Variants in LNP1 observed in about 807,000 individuals in gnomAD.
LNP1 encodes leukemia NUP98 fusion partner 1.
In LNP1, 12 loss-of-function variants were observed where a neutral mutation model predicts 14.5. That is an observed-to-expected ratio of 0.83 (90% CI 0.53 to 1.34). The LOEUF is 1.34. Ranked by LOEUF, LNP1 falls within the 40% of genes most tolerant of loss-of-function variation. LNP1 has a pLI of 0.00. For synonymous variants in LNP1, 75 were observed against 71.4 expected (o/e 1.05, Z -0.26); for missense variants, 198 against 210.9 (o/e 0.94, Z 0.38).
intron 1 of LNP1, among the ~76,000 whole-genome samples, chr3:100,411,340 AC>A (rs1480850131): frequency 6.6e-6 from 1 of 152,148 alleles, no homozygotes; most frequent in East Asian, 1.9e-4. Context: ...TCTCTCCCAT[AC>A]CTGATTTAGA....
chr3:100,436,957 G>A (rs1003340663), intron 2 of LNP1, among the ~76,000 whole-genome samples: 10 of 152,158 alleles, frequency 6.6e-5, no homozygotes, highest in African/African-American at 2.4e-5. Context: ...CAGTGAGAAG[G>A]CAGCCATCTG....
chr3:100,427,792 A>G (rs1004284815), intron 1 of LNP1, among the ~76,000 whole-genome samples: 1 of 152,264 alleles, frequency 6.6e-6, no homozygotes, highest in African/African-American at 2.4e-5. Flanking sequence ...GTCTTGTTCC[A>G]GTGAAGTCCC....
At chr3:100,403,112 T>C (rs1706928676) in intron 1 of LNP1, among the ~76,000 whole-genome samples, 1 of 152,222 alleles carries the variant, frequency 6.6e-6, no homozygotes, top group Admixed American at 6.5e-5. Flanking sequence ...CTTACTGGCT[T>C]TGGGACCTTA....
chr3:100,406,797 T>G (rs1437345380), intron 1 of LNP1, among the ~76,000 whole-genome samples: 1 of 152,212 alleles, frequency 6.6e-6, no homozygotes, highest in African/African-American at 2.4e-5. Context: ...CCTCCCAAAG[T>G]GCTGGGATTA....
chr3:100,451,588 TTTCC>T (rs1707438160), intron 2 of LNP1, 127 bp from the exon 3 acceptor site: 3 of 607,560 alleles, frequency 4.9e-6, no homozygotes, highest in Admixed American at 3.1e-5. Context: ...CAAGTTTTAT[TTTCC>T]TTTCACAAAG....
intron 1 of LNP1, among the ~76,000 whole-genome samples, chr3:100,409,606 A>T (rs376850253): frequency 0.021 from 2,636 of 124,440 alleles, 64 homozygotes; most frequent in South Asian, 0.066. Context: ...ATATATATAT[A>T]TTTTTTTTTT....
chr3:100,449,085 A>G (rs1401769725), intron 2 of LNP1, among the ~76,000 whole-genome samples: 1 of 152,232 alleles, frequency 6.6e-6, no homozygotes, highest in Non-Finnish European at 1.5e-5. Context: ...ATAAAAATCT[A>G]TTATAGGATT....
intron 1 of LNP1, among the ~76,000 whole-genome samples, chr3:100,409,997 A>G (rs1559839351): frequency 1.3e-5 from 2 of 151,898 alleles, no homozygotes; most frequent in African/African-American, 2.4e-5. Flanking sequence ...CTATCTATCT[A>G]TCTACCTATT....
chr3:100,430,023 C>T (rs371998100), intron 2 of LNP1, 138 bp downstream of exon 2: 1 of 801,136 alleles, frequency 1.2e-6, no homozygotes, highest in South Asian at 2.0e-5. Flanking sequence ...CTCATACCCA[C>T]AGAAATCTCT....
chr3:100,416,257 A>G (rs990399195), intron 1 of LNP1, among the ~76,000 whole-genome samples: 2 of 152,140 alleles, frequency 1.3e-5, no homozygotes, highest in Admixed American at 6.5e-5. Flanking sequence ...AAACTGTTCC[A>G]TCTGTGGCTT....
At chr3:100,449,518 T>C (rs1707418845) in intron 2 of LNP1, among the ~76,000 whole-genome samples, 2 of 152,166 alleles carry the variant, frequency 1.3e-5, no homozygotes, top group Admixed American at 6.5e-5. Context: ...AGGTCTCTCA[T>C]GCAGCAGAGG....
At chr3:100,409,328 G>T (rs911303155) in intron 1 of LNP1, among the ~76,000 whole-genome samples, 8 of 151,986 alleles carry the variant, frequency 5.3e-5, no homozygotes, top group Admixed American at 2.0e-4. Flanking sequence ...TTTACTATAG[G>T]TCTTAGCCTC....
intron 1 of LNP1, 31 bp from the exon 2 acceptor site, chr3:100,429,666 G>T: frequency 6.9e-7 from 1 of 1,453,492 alleles, no homozygotes; most frequent in East Asian, 2.3e-5. Flanking sequence ...TGTCAGCCCT[G>T]TTGGGTGATA....
At position 100,429,847 on chromosome 3, in the gene LNP1, C is replaced by T. The variant is rs1707226825; in HGVS notation, c.118C>T (p.Gln40Ter). 5.0e-6 allele frequency: 8 copies of T among 1,613,904 alleles called. No homozygotes were observed. Among genetic ancestry groups the T allele is most frequent in the Non-Finnish European group, 6.8e-6 (8 of 1,179,912 alleles). Residue 40 changes from glutamine to a stop codon, truncating the protein, a stop_gained, in exon 2 of 4, where the codon CAA becomes TAA. Transcript: ENST00000383693. LOFTEE classifies it high-confidence loss of function. ...AGGACTCCGGGAACGCCACCGACTG[C>T]AAGCCACCAGTCACAGGAAAACCTC... ...QRGLRERHRL[Q>*]ATSHRKTSLP...
chr3:100,424,693 G>A (rs1707175581), intron 1 of LNP1, among the ~76,000 whole-genome samples: 1 of 152,176 alleles, frequency 6.6e-6, no homozygotes, highest in Admixed American at 6.5e-5. Flanking sequence ...TGTCACTGCA[G>A]GAACTGTTTA....
At chr3:100,434,895 A>G (rs1485088214) in intron 2 of LNP1, among the ~76,000 whole-genome samples, 4 of 149,560 alleles carry the variant, frequency 2.7e-5, no homozygotes, top group Admixed American at 2.7e-4. Context: ...CATGCTCTCA[A>G]TTTACAGTGA....
chr3:100,451,674 GCA>G (rs1491371593), intron 2 of LNP1, 43 bp from the exon 3 acceptor site: 1 of 634,628 alleles, frequency 1.6e-6, no homozygotes. Context: ...TGCTAACATT[GCA>G]CAGTCCTTTT....
chr3:100,430,158 C>T (rs1405113872), intron 2 of LNP1, among the ~76,000 whole-genome samples: 1 of 152,126 alleles, frequency 6.6e-6, no homozygotes, highest in Non-Finnish European at 1.5e-5. Flanking sequence ...CTGAGATAAT[C>T]CCACTGAGTG....
In LNP1 at chr3:100,429,836, G is replaced by A. The variant is rs894128219; in HGVS notation, c.107G>A (p.Arg36His). ...GAGGATCAGAGAGGACTCCGGGAAC[G>A]CCACCGACTGCAAGCCACCAGTCAC... ...REEDQRGLRE[R>H]HRLQATSHRK... The change falls in exon 2 of 4, where the codon CGC (arginine) becomes CAC (histidine). Residue 36 changes from arginine (R) to histidine (H), a missense_variant. By Grantham distance (29) the Arg-to-His change is conservative. Coordinates refer to ENST00000383693, the MANE Select transcript of LNP1 (RefSeq NM_001085451.2). 7.4e-6 allele frequency: 12 copies of A among 1,613,756 alleles called. No homozygotes were observed. Among genetic ancestry groups the A allele is most frequent in the African/African-American group, 1.3e-5 (1 of 74,844 alleles).
Sources: allele counts gnomAD v4.1 joint callset (sites outside exome capture counted in the v4.1 genomes callset), GRCh38; gene constraint gnomAD v4.1.1; transcripts MANE v1.5; gene names NCBI Gene and HGNC (gene_info 2026-07-23, HGNC 2026-07-21).